FCRL2: variants seen among roughly 807,000 people sequenced by gnomAD.
The protein encoded by FCRL2 is Fc receptor-like protein 2.
Under a neutral mutation model 59.8 loss-of-function variants are expected in FCRL2, and 48 were observed. The ratio of observed to expected loss-of-function variants is 0.80; its 90% confidence interval spans 0.64 to 1.02. The LOEUF (loss-of-function observed/expected upper bound fraction) is 1.02. Ranked by LOEUF, FCRL2 falls within the 50% of genes least tolerant of loss-of-function variation. FCRL2 has a pLI of 0.00. For missense variants in FCRL2, 658 were observed against 597.3 expected (o/e 1.10, Z -1.06); for synonymous variants, 251 against 229.5 (o/e 1.09, Z -0.85).
chr1:157,762,104 G>A (rs140411734), intron 7 of FCRL2, among the ~76,000 whole-genome samples: 40 of 152,290 alleles, frequency 2.6e-4, no homozygotes, highest in African/African-American at 9.1e-4. Flanking sequence ...ACACAGCCTG[G>A]AGACCAGGGA....
At chr1:157,768,989 G>A (rs566417449) in intron 4 of FCRL2, 8 of 315,912 alleles carry the variant, frequency 2.5e-5, no homozygotes, top group African/African-American at 1.5e-4. Context: ...ATGAGTCAAA[G>A]ACACCTTTTG....
chr1:157,747,533 C>A (rs1647843435), intron 10 of FCRL2, among the ~76,000 whole-genome samples: 1 of 152,104 alleles, frequency 6.6e-6, no homozygotes, highest in African/African-American at 2.4e-5. Context: ...GTTGAAGTGG[C>A]AAATCTAAGC....
intron 8 of FCRL2, among the ~76,000 whole-genome samples, chr1:157,749,189 C>CT (rs77657576): frequency 0.18 from 27,537 of 151,430 alleles, 2,569 homozygotes; most frequent in East Asian, 0.23. Context: ...GCTCCAGAAT[C>CT]TTTTTTTTTC....
At chr1:157,748,991 T>C (rs767693944) in intron 8 of FCRL2, 31 bp from the exon 9 acceptor site, 4 of 1,580,242 alleles carry the variant, frequency 2.5e-6, no homozygotes, top group Non-Finnish European at 2.6e-6. Flanking sequence ...TGTATGATAA[T>C]CCCCAGGGCA....
chr1:157,759,735 A>T (rs1648879795), intron 7 of FCRL2, among the ~76,000 whole-genome samples: 1 of 152,180 alleles, frequency 6.6e-6, no homozygotes, highest in Non-Finnish European at 1.5e-5. Context: ...GTAAATCAAA[A>T]CCCCAATGAG....
chr1:157,777,053 C>T lies in FCRL2; in HGVS notation c.21G>A (p.Leu7=), dbSNP rs1056450970. The change falls in exon 1 of 12, where the codon CTG becomes CTA. Residue 7 remains leucine (L), a synonymous_variant. Transcript: ENST00000361516. ...AATTATTGAACTCACCAAAGATGAC[C>T]AGCAATGACCACAGCAGCATGAGGA... The part of the protein sequence containing the change: MLLWSL[L]VIFDAVTEQA... 1.2e-6 allele frequency: 2 copies of T among 1,614,042 alleles called. No homozygotes were observed. The highest frequency in any genetic ancestry group is 1.1e-5 in the South Asian group (1 of 91,076).
chr1:157,768,278 C>T (rs1571286725), intron 5 of FCRL2, 136 bp downstream of exon 5: 13 of 810,278 alleles, frequency 1.6e-5, no homozygotes, highest in Admixed American at 8.3e-5. Context: ...AACCTGCAAG[C>T]GTAACCCATT....
chr1:157,773,615 C>A (rs932386397), intron 2 of FCRL2, among the ~76,000 whole-genome samples: 1 of 152,092 alleles, frequency 6.6e-6, no homozygotes, highest in Non-Finnish European at 1.5e-5. Context: ...AGTTTGTATC[C>A]ACTTGCTTCT....
At chr1:157,749,274 C>CAT (rs1210767047) in intron 8 of FCRL2, among the ~76,000 whole-genome samples, 1 of 152,034 alleles carries the variant, frequency 6.6e-6, no homozygotes. Flanking sequence ...GTACTCTGGA[C>CAT]ATATACTACA....
chr1:157,757,096 C>G (rs1481059283), intron 7 of FCRL2, among the ~76,000 whole-genome samples: 1 of 152,202 alleles, frequency 6.6e-6, no homozygotes, highest in African/African-American at 2.4e-5. Context: ...AAGAGGTAGA[C>G]ACTTTTTCTC....
intron 10 of FCRL2, among the ~76,000 whole-genome samples, chr1:157,747,504 A>G (rs1264918591): frequency 2.0e-5 from 3 of 152,168 alleles, no homozygotes; most frequent in Non-Finnish European, 2.9e-5. Flanking sequence ...ATGATAGGGT[A>G]ATCAACTCCC....
At chr1:157,756,988 C>T (rs957087152) in intron 7 of FCRL2, among the ~76,000 whole-genome samples, 3 of 152,188 alleles carry the variant, frequency 2.0e-5, no homozygotes, top group African/African-American at 7.2e-5. Flanking sequence ...AAGTGCAGGT[C>T]AAAAACCATG....
Position 157,767,445 on chromosome 1 carries a change from C to G in FCRL2, c.948G>C (p.Leu316=). 6.2e-7 allele frequency: 1 copy of G among 1,614,222 alleles called. No individual in the cohort carries two copies. The highest frequency in any genetic ancestry group is 2.2e-5 in the East Asian group (1 of 44,878). The part of the protein sequence containing the change: ...SPGAQAAVGD[L]LELHCEALRG... ...TCAGGGCCTCACAGTGAAGCTCCAG[C>G]AGGTCCCCCACTGCAGCCTGGGCCC... Residue 316 remains leucine (L), a synonymous_variant, in exon 6 of 12, where the codon CTG becomes CTC. Coordinates refer to ENST00000361516, the MANE Select transcript of FCRL2 (RefSeq NM_030764.4).
At chr1:157,776,472 G>A (rs545587915) in intron 1 of FCRL2, among the ~76,000 whole-genome samples, 1 of 152,174 alleles carries the variant, frequency 6.6e-6, no homozygotes, top group African/African-American at 2.4e-5. Flanking sequence ...GTTTCACCAT[G>A]TTGGCCGGGG....
In FCRL2 at chr1:157,768,710, A is replaced by T. The variant is rs774125317; in HGVS notation, c.596-9T>A. ...ATTAGAGATGGGGATTCCTAGATGGATATAAGACAACAGGTGAGAACTCTA... is the reference window on the plus strand; with the variant it reads ...ATTAGAGATGGGGATTCCTAGATGGTTATAAGACAACAGGTGAGAACTCTA... On this transcript the variant is annotated splice_polypyrimidine_tract_variant and intron_variant, in intron 4 of 11. Transcript: ENST00000361516. 2.5e-6 allele frequency: 4 copies of T among 1,594,678 alleles called. No homozygotes were observed. In the African/African-American group the frequency reaches 4.0e-5, roughly 16 times the overall value.
At chr1:157,766,537 C>T in intron 7 of FCRL2, 1 of 388,424 alleles carries the variant, frequency 2.6e-6, no homozygotes, top group Non-Finnish European at 4.5e-6. Context: ...CTCCGTTGTA[C>T]ATAAGCTAAT....
chr1:157,771,566 G>A (rs1412151772), intron 2 of FCRL2, among the ~76,000 whole-genome samples: 1 of 152,158 alleles, frequency 6.6e-6, no homozygotes, highest in Admixed American at 6.5e-5. Flanking sequence ...CCAAGGCTTA[G>A]TTCCTAGAGA....
chr1:157,745,977 G>A lies in FCRL2; in HGVS notation c.*759C>T, dbSNP rs538791063. 1.3e-5 allele frequency: 2 copies of A among 152,108 alleles called. No homozygotes were observed. Among genetic ancestry groups the A allele is most frequent in the African/African-American group, 4.8e-5 (2 of 41,410 alleles). 9.4% of individuals were successfully genotyped at this position (152,108 alleles called of 1,614,324 possible). On this transcript the variant is annotated 3_prime_UTR_variant, in exon 12 of 12. Coordinates refer to ENST00000361516, the MANE Select transcript of FCRL2 (RefSeq NM_030764.4). ...CACTCAAGTCGATGCACATAAAGAAGAAAATCTGGAGGAAACGGCTAAATT... is the reference window on the plus strand; with the variant it reads ...CACTCAAGTCGATGCACATAAAGAAAAAAATCTGGAGGAAACGGCTAAATT...
At chr1:157,760,704 A>AAAGAAAT (rs1347014351) in intron 7 of FCRL2, among the ~76,000 whole-genome samples, 4 of 89,012 alleles carry the variant, frequency 4.5e-5, no homozygotes, top group African/African-American at 2.1e-4. Flanking sequence ...AGAAGGAAAG[A>AAAGAAAT]AAGAAAGAAA....
Sources: gnomAD v4.1 joint callset for allele counts (sites outside exome capture counted in the v4.1 genomes callset) on GRCh38, gnomAD v4.1.1 for gene constraint, MANE v1.5 for transcripts, NCBI Gene and HGNC (gene_info 2026-07-23, HGNC 2026-07-21) for gene names.